The following MTR variants were observed in gnomAD, a reference collection of about 807,000 sequenced individuals.
MTR encodes methionine synthase.
In MTR, 84 loss-of-function variants were observed where a neutral mutation model predicts 154.8. That is an observed-to-expected ratio of 0.54 (90% CI 0.45 to 0.65). MTR has a LOEUF of 0.65. MTR is among the 30% of genes least tolerant of loss of function. MTR has a pLI of 0.00. For missense variants in MTR, 1,275 were observed against 1,570.2 expected (o/e 0.81, Z 3.18); for synonymous variants, 554 against 553.9 (o/e 1.00, Z 0.00).
chr1:236,805,866 A>G (rs1301077761), intron 2 of MTR, among the ~76,000 whole-genome samples: 5 of 152,142 alleles, frequency 3.3e-5, no homozygotes, highest in African/African-American at 1.2e-4. Context: ...GAATGAAGAG[A>G]CTGAGACTCA....
At chr1:236,892,706 G>A (rs1474800239) in intron 29 of MTR, among the ~76,000 whole-genome samples, 1 of 152,136 alleles carries the variant, frequency 6.6e-6, no homozygotes. Context: ...CAGAATATAA[G>A]GCACTGGGGT....
At chr1:236,829,372 C>A in intron 12 of MTR, 104 bp downstream of exon 12, 1 of 947,244 alleles carries the variant, frequency 1.1e-6, no homozygotes, top group Non-Finnish European at 1.7e-6. Context: ...CTTATTAGGT[C>A]GAAGAAGAAT....
At chr1:236,881,694 C>T (rs1198893324) in intron 25 of MTR, among the ~76,000 whole-genome samples, 5 of 152,122 alleles carry the variant, frequency 3.3e-5, no homozygotes, top group Admixed American at 6.5e-5. Context: ...CTAGGGTGAC[C>T]GCATTTCCTG....
intron 15 of MTR, 115 bp from the exon 16 acceptor site, chr1:236,850,229 A>G (rs1663817642): frequency 3.0e-6 from 2 of 667,588 alleles, no homozygotes; most frequent in Non-Finnish European, 4.2e-6. Context: ...CTAATGTATA[A>G]CACTTAATAT....
At position 236,894,447 on chromosome 1, in the gene MTR, C is replaced by A; in HGVS notation, c.3295C>A (p.Leu1099Met). 6.2e-7 allele frequency: 1 copy of A among 1,614,208 alleles called. No individual in the cohort carries two copies. Among genetic ancestry groups the A allele is most frequent in the Non-Finnish European group, 8.5e-7 (1 of 1,180,036 alleles). Reference sequence around the variant, plus strand: ...TTCTGGCATCCGTGACTACCTGGGCCTGTTTGCCGTTGCCTGCTTTGGGGT... The same window carrying A: ...TTCTGGCATCCGTGACTACCTGGGCATGTTTGCCGTTGCCTGCTTTGGGGT... ...LHSGIRDYLG[L>M]FAVACFGVEE... Residue 1099 changes from leucine (L) to methionine (M), a missense_variant, in exon 30 of 33, where the codon CTG becomes ATG. Physicochemically the swap from Leu to Met is conservative, Grantham distance 15. Transcript: ENST00000366577.
rs3820571 is a variant in MTR at position 236,897,133 on chromosome 1, G to T, written c.3711+15G>T. ...CCAAGGATCAGGTAAGCTAGCTGTT[G>T]CATTATATGTGGCTTGCCTAGTTCA... On this transcript the variant is annotated intron_variant, in intron 32 of 32. Transcript: ENST00000366577. 1,022,975 of 1,572,696 alleles carry T rather than the reference G, an allele frequency of 0.65. 336,976 individuals carry two copies. The highest frequency in any genetic ancestry group is 0.88 in the African/African-American group (65,410 of 74,132).
intron 2 of MTR, among the ~76,000 whole-genome samples, chr1:236,805,815 T>C (rs940864990): frequency 3.3e-5 from 5 of 152,160 alleles, no homozygotes; most frequent in African/African-American, 1.2e-4. Flanking sequence ...TACCTTATGT[T>C]AGCATATAGC....
intron 6 of MTR, among the ~76,000 whole-genome samples, chr1:236,815,016 G>A (rs1011911910): frequency 6.6e-5 from 10 of 152,292 alleles, no homozygotes; most frequent in African/African-American, 1.7e-4. Context: ...CCATTATCTG[G>A]AACTTAAAAT....
intron 16 of MTR, 104 bp from the exon 17 acceptor site, chr1:236,852,416 GC>G: frequency 1.2e-6 from 1 of 847,496 alleles, no homozygotes; most frequent in Non-Finnish European, 2.0e-6. Context: ...AACTTCGGAT[GC>G]TTTTTGTTTT....
intron 7 of MTR, 43 bp from the exon 8 acceptor site, chr1:236,816,401 TCTTAA>T: frequency 6.6e-7 from 1 of 1,508,140 alleles, no homozygotes; most frequent in East Asian, 2.3e-5. Context: ...ATATCTATAT[TCTTAA>T]CTTGAGTCTG....
In MTR at chr1:236,819,548, A is replaced by C. The variant is rs114537319; in HGVS notation, c.764+3005A>C. The C allele has an allele frequency of 3.9e-3, 1,355 of 349,082 alleles. 19 individuals carry two copies. Among genetic ancestry groups the C allele is most frequent in the South Asian group, 0.024 (917 of 37,472 alleles). The allele number at this position is 349,082 out of a possible 1,614,324, so 21.6% of individuals were successfully genotyped here. A position where few individuals can be genotyped will look rare whatever the true frequency, so the allele number is the denominator to read the frequency against. The stretch of plus-strand genomic sequence containing the variant: ...TCGAAGTTGTAGCAATTACAAATAA[A>C]TCTCCCATGGCCTTTCCATGCTACT... On this transcript the variant is annotated intron_variant, in intron 8 of 32. Transcript: ENST00000366577.
intron 22 of MTR, among the ~76,000 whole-genome samples, chr1:236,869,497 C>G (rs1665002131): frequency 1.3e-5 from 2 of 152,206 alleles, no homozygotes; most frequent in African/African-American, 4.8e-5. Flanking sequence ...CATACCCAAC[C>G]TCTCTTCTGA....
intron 13 of MTR, 126 bp from the exon 14 acceptor site, chr1:236,835,421 C>A: frequency 8.6e-7 from 1 of 1,166,798 alleles, no homozygotes; most frequent in Non-Finnish European, 1.3e-6. Flanking sequence ...GGCCCGGAGT[C>A]AGGGAGTCTG....
chr1:236,861,130 T>TTA lies in MTR; in HGVS notation c.2049_2050insTA (p.Glu684Ter). ...TTTTTTTTTGTCTTTTTTAGGGCATTGAAAAACATATTATTGAGGATACTG... is the reference window on the plus strand; with the variant it reads ...TTTTTTTTTGTCTTTTTTAGGGCATTTAGAAAAACATATTATTGAGGATACTG... On this transcript the variant is annotated frameshift_variant, in exon 20 of 33. Transcript: ENST00000366577. LOFTEE classifies it high-confidence loss of function. 6.3e-7 allele frequency: 1 copy of TTA among 1,582,210 alleles called. No homozygotes were observed. Among genetic ancestry groups the TTA allele is most frequent in the Non-Finnish European group, 8.6e-7 (1 of 1,168,964 alleles).
At position 236,838,626 on chromosome 1, in the gene MTR, A is replaced by G. The variant is rs3820568; in HGVS notation, c.1515+27A>G. 646,534 of 1,612,526 alleles carry G rather than the reference A, an allele frequency of 0.4. 132,667 individuals are homozygous for G. Among genetic ancestry groups the G allele is most frequent in the East Asian group, 0.46 (20,527 of 44,842 alleles). ...TGAGTGGTTTCTTTTGGCCTAATCC[A>G]TTGTGTTTCCCAGGTTAGATAGTGG... On this transcript the variant is annotated intron_variant, in intron 15 of 32. Coordinates refer to ENST00000366577, the MANE Select transcript of MTR (RefSeq NM_000254.3).
At chr1:236,894,597 G>T in intron 30 of MTR, 40 bp downstream of exon 30, 6 of 1,611,490 alleles carry the variant, frequency 3.7e-6, no homozygotes, top group Non-Finnish European at 5.1e-6. Flanking sequence ...GAGGACAGAG[G>T]CCAGGCAGTA....
intron 1 of MTR, among the ~76,000 whole-genome samples, chr1:236,797,634 T>C (rs1660467674): frequency 6.6e-6 from 1 of 151,926 alleles, no homozygotes; most frequent in African/African-American, 2.4e-5. Context: ...ATAATATATA[T>C]TAAAAATGGA....
At chr1:236,855,125 CATGAAGAGCAGGA>C (rs908567669) in intron 18 of MTR, among the ~76,000 whole-genome samples, 11 of 152,052 alleles carry the variant, frequency 7.2e-5, no homozygotes, top group African/African-American at 2.7e-4. Flanking sequence ...TGAAATGGAG[CATGAAGAGCAGGA>C]ATATTATGAG....
chr1:236,881,545 A>G (rs1665735845), intron 25 of MTR, among the ~76,000 whole-genome samples: 1 of 151,946 alleles, frequency 6.6e-6, no homozygotes, highest in African/African-American at 2.4e-5. Flanking sequence ...TTACCGTCCC[A>G]TCCCGCTCCT....
Sources: gnomAD v4.1 joint callset for allele counts (sites outside exome capture counted in the v4.1 genomes callset) on GRCh38, gnomAD v4.1.1 for gene constraint, MANE v1.5 for transcripts, NCBI Gene and HGNC (gene_info 2026-07-23, HGNC 2026-07-21) for gene names.